Variants in NECAB2 observed in about 807,000 individuals in gnomAD.
NECAB2 encodes the protein N-terminal EF-hand calcium-binding protein 2.
Under a neutral mutation model 51.9 loss-of-function variants are expected in NECAB2, and 68 were observed. The ratio of observed to expected loss-of-function variants is 1.31; its 90% CI spans 1.08 to 1.60. The LOEUF (loss-of-function observed/expected upper bound fraction) is 1.60. Ranked by LOEUF, NECAB2 falls within the 40% of genes most tolerant of loss-of-function variation. The pLI is 0.00. For synonymous variants in NECAB2, 329 were observed against 203.5 expected, an observed-to-expected ratio of 1.62 and a Z score of -5.25; for missense variants, 854 against 490.3, an observed-to-expected ratio of 1.74 and a Z score of -7.00.
chr16:83,973,478 C>T (rs1037031806), intron 2 of NECAB2, among the ~76,000 whole-genome samples: 3 of 152,188 alleles, frequency 2.0e-5, no homozygotes, highest in African/African-American at 7.2e-5. Flanking sequence ...GAAGAAGGAC[C>T]ATCAGCAGTG....
upstream of NECAB2, among the ~76,000 whole-genome samples, chr16:83,968,007 C>A (rs1007069818): frequency 6.8e-6 from 1 of 147,234 alleles, no homozygotes; most frequent in Non-Finnish European, 1.5e-5. Flanking sequence ...GATGGACGGA[C>A]AGGTGGGTGG....
intron 2 of NECAB2, among the ~76,000 whole-genome samples, chr16:83,978,090 G>C (rs1045310633): frequency 6.6e-6 from 1 of 152,198 alleles, no homozygotes; most frequent in African/African-American, 2.4e-5. Flanking sequence ...TATATTTGTT[G>C]AACGCATGGA....
chr16:83,998,387 A>C lies in NECAB2; in HGVS notation c.962+70A>C, dbSNP rs1365351283. On this transcript the variant is annotated intron_variant, in intron 10 of 12. Coordinates refer to ENST00000305202, the MANE Select transcript of NECAB2 (RefSeq NM_019065.3). Reference sequence around the variant, plus strand: ...CTGCCTGGCAGTGGAGGAACAGGGCAGGACTAGGCTTTGCCCTAAGTAGTA... The same window carrying C: ...CTGCCTGGCAGTGGAGGAACAGGGCCGGACTAGGCTTTGCCCTAAGTAGTA... 1.2e-5 allele frequency: 18 copies of C among 1,457,506 alleles called. No homozygotes were observed. In the East Asian group the frequency reaches 1.4e-4, roughly 11 times the overall value. The allele number at this position is 1,457,506 out of a possible 1,614,324, so 90.3% of individuals were successfully genotyped here.
intron 5 of NECAB2, among the ~76,000 whole-genome samples, chr16:83,989,879 C>T (rs1421834139): frequency 6.6e-6 from 1 of 152,192 alleles, no homozygotes; most frequent in African/African-American, 2.4e-5. Flanking sequence ...TCCCCCCAGG[C>T]TCCTCTCTGG....
intron 9 of NECAB2, among the ~76,000 whole-genome samples, chr16:83,997,964 T>G (rs1385548589): frequency 6.6e-6 from 1 of 152,212 alleles, no homozygotes; most frequent in African/African-American, 2.4e-5. Context: ...GGATGGGGCC[T>G]CTGTAAACAA....
intron 5 of NECAB2, among the ~76,000 whole-genome samples, chr16:83,983,726 C>T (rs1249370089): frequency 1.3e-5 from 2 of 152,224 alleles, no homozygotes; most frequent in Non-Finnish European, 2.9e-5. Flanking sequence ...TTGTCATGAG[C>T]CAAGAATTTT....
At chr16:83,974,992 G>A (rs1172636454) in intron 2 of NECAB2, among the ~76,000 whole-genome samples, 201 of 122,196 alleles carry the variant, frequency 1.6e-3, no homozygotes, top group South Asian at 3.2e-3. Context: ...GTGTGGGTGC[G>A]GGAATGTGAA....
intron 8 of NECAB2, among the ~76,000 whole-genome samples, chr16:83,996,732 G>C (rs531458404): frequency 3.3e-5 from 5 of 152,260 alleles, no homozygotes; most frequent in African/African-American, 1.2e-4. Flanking sequence ...CACCAGTCGT[G>C]GGCGAACAGA....
upstream of NECAB2, chr16:83,965,452 G>A (rs766527071): frequency 2.7e-5 from 43 of 1,599,136 alleles, no homozygotes; most frequent in Middle Eastern, 6.6e-4. Context: ...TCATTGGCGC[G>A]GGGCTGTCAG....
chr16:83,974,857 A>C (rs943134957), intron 2 of NECAB2, among the ~76,000 whole-genome samples: 1 of 151,300 alleles, frequency 6.6e-6, no homozygotes, highest in African/African-American at 2.4e-5. Context: ...CAAGAATGAG[A>C]GCAGGTGTGC....
upstream of NECAB2, chr16:83,965,653 C>G (rs1458091714): frequency 6.2e-7 from 1 of 1,613,428 alleles, no homozygotes; most frequent in Non-Finnish European, 8.5e-7. Flanking sequence ...GTTACCGCAG[C>G]CTCCCCAGGC....
chr16:83,974,790 G>C (rs74404612), intron 2 of NECAB2, among the ~76,000 whole-genome samples: 1,937 of 151,900 alleles, frequency 0.013, 59 homozygotes, highest in African/African-American at 0.044. Flanking sequence ...GAATAGAATG[G>C]CTGGGGAAAG....
Position 84,002,308 on chromosome 16 carries a change from C to T in NECAB2, c.1133-10C>T, listed in dbSNP as rs1353334865. 1.2e-6 allele frequency: 2 copies of T among 1,613,796 alleles called. No homozygotes were observed. The highest frequency in any genetic ancestry group is 1.7e-6 in the Non-Finnish European group (2 of 1,179,868). ...CACTCCTTCCCTCTAACGTGTCTCT[C>T]TCCTTTTAGCTGCTTGGTGCACGGT... On this transcript the variant is annotated splice_polypyrimidine_tract_variant and intron_variant, in intron 12 of 12. Transcript: ENST00000305202.
intron 2 of NECAB2, among the ~76,000 whole-genome samples, chr16:83,975,878 C>G (rs1280252041): frequency 6.6e-6 from 1 of 152,184 alleles, no homozygotes; most frequent in Non-Finnish European, 1.5e-5. Flanking sequence ...CTTGGCCTGT[C>G]TAATTGGACT....
At chr16:83,980,558 C>G (rs2151089007) in intron 3 of NECAB2, among the ~76,000 whole-genome samples, 1 of 152,250 alleles carries the variant, frequency 6.6e-6, no homozygotes, top group African/African-American at 2.4e-5. Context: ...TTCCTGGCCC[C>G]CAGCTTGGCC....
intron 2 of NECAB2, among the ~76,000 whole-genome samples, chr16:83,974,042 CCT>C (rs201049164): frequency 5.7e-4 from 87 of 152,036 alleles, no homozygotes; most frequent in African/African-American, 2.0e-3. Flanking sequence ...GTGTCCACCC[CCT>C]GAGCACAGCT....
At chr16:84,001,784 ACTC>A (rs769490011) in intron 11 of NECAB2, 38 bp from the exon 12 acceptor site, 4 of 1,606,290 alleles carry the variant, frequency 2.5e-6, no homozygotes, top group Middle Eastern at 1.7e-4. Flanking sequence ...GCGGAGCTCC[ACTC>A]CTGCCACCCC....
upstream of NECAB2, chr16:83,965,267 C>G: frequency 6.2e-7 from 1 of 1,609,012 alleles, no homozygotes; most frequent in Non-Finnish European, 8.5e-7. Flanking sequence ...GAACCAGGCC[C>G]AGCAGCCCTT....
intron 10 of NECAB2, among the ~76,000 whole-genome samples, chr16:83,999,226 C>A (rs530752977): frequency 2.6e-5 from 4 of 152,160 alleles, no homozygotes; most frequent in African/African-American, 9.6e-5. Flanking sequence ...TCCCGAGACT[C>A]GGCGTGGCCA....
Sources: allele counts gnomAD v4.1 joint callset (sites outside exome capture counted in the v4.1 genomes callset), GRCh38; gene constraint gnomAD v4.1.1; transcripts MANE v1.5; gene names NCBI Gene and HGNC (gene_info 2026-07-23, HGNC 2026-07-21).